ZFYVE16: variants seen among roughly 807,000 people sequenced by gnomAD.
The protein encoded by ZFYVE16 is zinc finger FYVE domain-containing protein 16.
In ZFYVE16, 89 loss-of-function variants were observed where a neutral mutation model predicts 138.1. The ratio of observed to expected loss-of-function variants is 0.64; its 90% confidence interval spans 0.54 to 0.77. The LOEUF (loss-of-function observed/expected upper bound fraction) is 0.77. ZFYVE16 is among the 30% of genes least tolerant of loss of function. The pLI is 0.00. For missense variants in ZFYVE16, 1,793 were observed against 1,786.7 expected, an observed-to-expected ratio of 1.00 and a Z score of -0.06; for synonymous variants, 596 against 618.3, an observed-to-expected ratio of 0.96 and a Z score of 0.53.
At chr5:80,426,363 C>T (rs968789179) in intron 1 of ZFYVE16, among the ~76,000 whole-genome samples, 9 of 151,628 alleles carry the variant, frequency 5.9e-5, no homozygotes, top group Admixed American at 2.6e-4. Context: ...ACGTGTGCCA[C>T]GGTGGTTTGC....
Position 80,437,635 on chromosome 5 carries a change from C to A in ZFYVE16, c.950C>A (p.Ser317Ter). ...PKNEDLCLNDSNSRDENFKLP... is the reference protein window; with the variant it reads ...PKNEDLCLND ...AATGAAGATTTATGCTTAAATGATT[C>A]AAATTCAAGAGATGAAAATTTCAAA... Residue 317 changes from serine to a stop codon, truncating the protein, a stop_gained, in exon 4 of 19, where the codon TCA becomes TAA. Transcript: ENST00000505560. LOFTEE classifies it high-confidence loss of function. The A allele has an allele frequency of 6.2e-7, 1 of 1,611,938 alleles. No individual in the cohort carries two copies. The highest frequency in any genetic ancestry group is 1.1e-5 in the South Asian group (1 of 90,860).
rs1750289479 is a variant in ZFYVE16, at chr5:80,438,665, G to A, written c.1980G>A (p.Arg660=). 1 of 1,614,060 alleles carries A rather than the reference G, an allele frequency of 6.2e-7. No individual in the cohort carries two copies. The highest frequency in any genetic ancestry group is 1.1e-5 in the South Asian group (1 of 91,086). The part of the protein sequence containing the change: ...KQLFSLPSRT[R]SSKDLNKPDV... ...TGTTTAGCCTTCCATCAAGAACAAG[G>A]AGTTCAAAGGACCTGAATAAGCCAG... Residue 660 remains arginine (R), a synonymous_variant, in exon 4 of 19, where the codon AGG becomes AGA. Coordinates refer to ENST00000505560, the MANE Select transcript of ZFYVE16 (RefSeq NM_001284236.3).
At chr5:80,409,743 A>T (rs1039280569) in intron 1 of ZFYVE16, 40 of 152,356 alleles carry the variant, frequency 2.6e-4, no homozygotes, top group African/African-American at 9.4e-4. Flanking sequence ...TAGCAGGAAA[A>T]GCGAGGATCT....
rs1755072234 is a variant in ZFYVE16, at chr5:80,478,044, G to A, written c.*667G>A. 6.6e-6 allele frequency: 1 copy of A among 152,018 alleles called. No homozygotes were observed. Among genetic ancestry groups the A allele is most frequent in the African/African-American group, 2.4e-5 (1 of 41,416 alleles). 9.4% of individuals were successfully genotyped at this position (152,018 alleles called of 1,614,324 possible). On this transcript the variant is annotated 3_prime_UTR_variant, in exon 19 of 19. Transcript: ENST00000505560. ...AATGGATATTAAAATAATTGCGGGTGCTTCAGGACTTTTTGCTTCTATATT... is the reference window on the plus strand; with the variant it reads ...AATGGATATTAAAATAATTGCGGGTACTTCAGGACTTTTTGCTTCTATATT...
chr5:80,434,153 C>G lies in ZFYVE16; in HGVS notation c.6C>G (p.Asp2Glu), dbSNP rs1212499355. ...TGAATAAGTCTGCAGGTAGGATGGACAGTTATTTTAAAGCAGCTGTCAGTG... is the reference window on the plus strand; with the variant it reads ...TGAATAAGTCTGCAGGTAGGATGGAGAGTTATTTTAAAGCAGCTGTCAGTG... M[D>E]SYFKAAVSDL... is the part of the protein sequence containing the mutation. Residue 2 changes from aspartate (D) to glutamate (E), a missense_variant, in exon 3 of 19, where the codon GAC becomes GAG. Coordinates refer to ENST00000505560, the MANE Select transcript of ZFYVE16 (RefSeq NM_001284236.3). The G allele has an allele frequency of 6.2e-7, 1 of 1,612,906 alleles. No individual in the cohort carries two copies. Among genetic ancestry groups the G allele is most frequent in the Non-Finnish European group, 8.5e-7 (1 of 1,179,298 alleles).
chr5:80,449,882 G>T lies in ZFYVE16; in HGVS notation c.3226+169G>T, dbSNP rs183367063. Among the ~76,000 whole-genome samples, 944 of 152,206 alleles carry T rather than the reference G, an allele frequency of 6.2e-3. 10 individuals are homozygous for T. The highest frequency in any genetic ancestry group is 0.021 in the African/African-American group (872 of 41,544). ...AATTTTGCAAATTTATGTTCAGTAG[G>T]ACTTGAAACATGAGCTTACAGATTT... On this transcript the variant is annotated intron_variant, in intron 9 of 18. Coordinates refer to ENST00000505560, the MANE Select transcript of ZFYVE16 (RefSeq NM_001284236.3).
chr5:80,469,679 C>T (rs2112536088), intron 15 of ZFYVE16, among the ~76,000 whole-genome samples: 1 of 151,486 alleles, frequency 6.6e-6, no homozygotes, highest in East Asian at 2.0e-4. Flanking sequence ...AATATATGTG[C>T]ATGTGTGTGT....
chr5:80,471,932 A>AT (rs1754425819), intron 15 of ZFYVE16, among the ~76,000 whole-genome samples: 1 of 152,126 alleles, frequency 6.6e-6, no homozygotes, highest in South Asian at 2.1e-4. Flanking sequence ...TTGCCTATAG[A>AT]TTTTGTAAGG....
chr5:80,457,150 T>G (rs1454917385), intron 14 of ZFYVE16, 58 bp downstream of exon 14: 9 of 1,577,000 alleles, frequency 5.7e-6, no homozygotes, highest in Non-Finnish European at 7.7e-6. Context: ...ATAGAATTCC[T>G]TTCAAAGGGG....
chr5:80,474,907 T>G, intron 18 of ZFYVE16, 77 bp downstream of exon 18: 1 of 1,492,934 alleles, frequency 6.7e-7, no homozygotes, highest in Non-Finnish European at 9.0e-7. Context: ...CCTTTTATTT[T>G]GGGATGAAAG....
At chr5:80,420,977 T>C (rs1490155302) in intron 1 of ZFYVE16, among the ~76,000 whole-genome samples, 1 of 152,222 alleles carries the variant, frequency 6.6e-6, no homozygotes, top group South Asian at 2.1e-4. Context: ...GACTTTTTAA[T>C]GATCGCCATT....
At position 80,481,723 on chromosome 5, in the gene ZFYVE16, A is replaced by G. The variant is rs1169389376; in HGVS notation, c.*4346A>G. The stretch of plus-strand genomic sequence containing the variant: ...AAAATGATTGGACAAAGAACTTGTG[A>G]AACCTAAGCAACTCTCTAGGGAAAA... On this transcript the variant is annotated 3_prime_UTR_variant, in exon 19 of 19. Coordinates refer to ENST00000505560, the MANE Select transcript of ZFYVE16 (RefSeq NM_001284236.3). 6.6e-6 allele frequency among the ~76,000 whole-genome samples: 1 copy of G among 152,248 alleles called. No homozygotes were observed. Among genetic ancestry groups the G allele is most frequent in the Non-Finnish European group, 1.5e-5 (1 of 68,040 alleles).
chr5:80,464,679 ATCT>A (rs1196956407), intron 15 of ZFYVE16, among the ~76,000 whole-genome samples: 1 of 151,944 alleles, frequency 6.6e-6, no homozygotes, highest in Non-Finnish European at 1.5e-5. Flanking sequence ...AGTAATTTGA[ATCT>A]TCTTTTTTCT....
At chr5:80,445,819 C>T (rs138660558) in intron 7 of ZFYVE16, among the ~76,000 whole-genome samples, 1 of 150,796 alleles carries the variant, frequency 6.6e-6, no homozygotes, top group East Asian at 2.0e-4. Context: ...TCTCAAACTC[C>T]TGATCTTTAG....
rs1369593088 is a variant in ZFYVE16 at position 80,445,959 on chromosome 5, G to A, written c.2724+554G>A. Among the ~76,000 whole-genome samples, 3 of 149,720 alleles carry A rather than the reference G, an allele frequency of 2.0e-5. No individual in the cohort carries two copies. In the South Asian group the frequency reaches 6.3e-4, roughly 32 times the overall value. ...TGCCCAGGCTGGAGTGCAGTGGTGC[G>A]ATTTCAGCTCACTGCAACTTCTGCC... On this transcript the variant is annotated intron_variant, in intron 7 of 18. Coordinates refer to ENST00000505560, the MANE Select transcript of ZFYVE16 (RefSeq NM_001284236.3).
intron 1 of ZFYVE16, among the ~76,000 whole-genome samples, chr5:80,423,207 A>G (rs1379001335): frequency 6.6e-6 from 1 of 152,098 alleles, no homozygotes; most frequent in African/African-American, 2.4e-5. Context: ...TTTAAAATAG[A>G]TGTAGGGATT....
rs544655261 is a variant in ZFYVE16, at chr5:80,434,255, A to T, written c.70+38A>T. ...TCCATTTTTGCCGCTAATGGGATTT[A>T]AAAATATCTGTAATTAAGTTATCTC... On this transcript the variant is annotated intron_variant, in intron 3 of 18. Transcript: ENST00000505560. 107 of 1,601,684 alleles carry T rather than the reference A, an allele frequency of 6.7e-5. No individual in the cohort carries two copies. The South Asian group carries it at 9.6e-4, about 14-fold the overall frequency.
In ZFYVE16 at chr5:80,448,410, G is replaced by A; in HGVS notation, c.3103+6G>A. 1 of 1,479,900 alleles carries A rather than the reference G, an allele frequency of 6.8e-7. No individual in the cohort carries two copies. Among genetic ancestry groups the A allele is most frequent in the Non-Finnish European group, 8.9e-7 (1 of 1,121,490 alleles). 91.7% of individuals were successfully genotyped at this position (1,479,900 alleles called of 1,614,324 possible). On this transcript the variant is annotated splice_donor_region_variant and intron_variant, in intron 8 of 18. Transcript: ENST00000505560. ...ATCTGGAGAAAAGGGATCAGGTAGG[G>A]AAGCAGTTATTTAAATTTAAAAAGA...
chr5:80,442,292 A>G (rs1750797286), intron 5 of ZFYVE16, among the ~76,000 whole-genome samples: 1 of 152,050 alleles, frequency 6.6e-6, no homozygotes, highest in Admixed American at 6.6e-5. Flanking sequence ...TATGGTAGAG[A>G]TGCGGTTTCA....
Sources: gnomAD v4.1 joint callset for allele counts (sites outside exome capture counted in the v4.1 genomes callset) on GRCh38, gnomAD v4.1.1 for gene constraint, MANE v1.5 for transcripts, NCBI Gene and HGNC (gene_info 2026-07-23, HGNC 2026-07-21) for gene names.